Variants in TRAT1 observed in about 807,000 individuals in gnomAD.
TRAT1 encodes T-cell receptor-associated transmembrane adapter 1.
In TRAT1, 20 loss-of-function variants were observed where a neutral mutation model predicts 20.0. The ratio of observed to expected loss-of-function variants is 1.00; its 90% CI spans 0.70 to 1.45. TRAT1 has a LOEUF of 1.45. Among genes scored for constraint, TRAT1 ranks in the 40% most tolerant of loss-of-function variants. The pLI is 0.00. For synonymous variants in TRAT1, 77 were observed against 74.2 expected, an observed-to-expected ratio of 1.04 and a Z score of -0.20; for missense variants, 237 against 224.1, an observed-to-expected ratio of 1.06 and a Z score of -0.37.
intron 3 of TRAT1, chr3:108,839,305 T>A (rs1353290679): frequency 8.1e-6 from 2 of 246,124 alleles, no homozygotes; most frequent in Non-Finnish European, 1.5e-5. Context: ...AAATCCATAG[T>A]AGAAAACAAT....
chr3:108,850,499 T>C (rs898652046), intron 5 of TRAT1, among the ~76,000 whole-genome samples: 1 of 152,016 alleles, frequency 6.6e-6, no homozygotes, highest in Non-Finnish European at 1.5e-5. Flanking sequence ...GAGACGGGGT[T>C]TCACCATGTT....
chr3:108,834,214 A>G (rs897750713), intron 2 of TRAT1, among the ~76,000 whole-genome samples: 1 of 152,200 alleles, frequency 6.6e-6, no homozygotes, highest in Non-Finnish European at 1.5e-5. Flanking sequence ...TCTAAACATT[A>G]GCTTATCACA....
In TRAT1 at chr3:108,837,809, T is replaced by C. The variant is rs533132417; in HGVS notation, c.119-1125T>C. 1.4e-3 allele frequency among the ~76,000 whole-genome samples: 213 copies of C among 152,306 alleles called. 3 individuals carry two copies. Among genetic ancestry groups the C allele is most frequent in the South Asian group, 9.1e-3 (44 of 4,830 alleles). Reference sequence around the variant, plus strand: ...ACAGTAAAGAAAATTTACTGATGAATGGATAATACAGAATTTTCTATAACA... The same window carrying C: ...ACAGTAAAGAAAATTTACTGATGAACGGATAATACAGAATTTTCTATAACA... On this transcript the variant is annotated intron_variant, in intron 2 of 5. Coordinates refer to ENST00000295756, the MANE Select transcript of TRAT1 (RefSeq NM_016388.4).
At position 108,849,490 on chromosome 3, in the gene TRAT1, AGT is replaced by A. The variant is rs548580302; in HGVS notation, c.303+237_303+238del. Among the ~76,000 whole-genome samples the A allele has an allele frequency of 3.5e-4, 54 of 152,340 alleles. No homozygotes were observed. The East Asian group carries it at 0.01, about 28-fold the overall frequency. On this transcript the variant is annotated intron_variant, in intron 5 of 5. Transcript: ENST00000295756. ...TAAGGGAATAATAGGATTATTCCTA[AGT>A]AATCTATTAAGCTTTTTCTTTCTGA...
chr3:108,826,386 G>A (rs1483564582), intron 1 of TRAT1, among the ~76,000 whole-genome samples: 1 of 152,010 alleles, frequency 6.6e-6, no homozygotes, highest in African/African-American at 2.4e-5. Flanking sequence ...AGACACATAA[G>A]GTCAGTGGAT....
chr3:108,839,950 T>C (rs1181002568), intron 3 of TRAT1, among the ~76,000 whole-genome samples: 1 of 152,010 alleles, frequency 6.6e-6, no homozygotes, highest in Non-Finnish European at 1.5e-5. Flanking sequence ...AGATTTCTGT[T>C]TTAGGGGTAA....
At position 108,853,981 on chromosome 3, in the gene TRAT1, C is replaced by A. The variant is rs1559826847; in HGVS notation, c.*104C>A. The A allele has an allele frequency of 7.2e-6, 8 of 1,114,448 alleles. No individual in the cohort carries two copies. 69.0% of individuals were successfully genotyped at this position (1,114,448 alleles called of 1,614,324 possible). ...AAGGACTTGGCAGCAGGGTGATGAC[C>A]TGATCATTTGTTGATGGGATGGTGG... On this transcript the variant is annotated 3_prime_UTR_variant, in exon 6 of 6. Transcript: ENST00000295756.
At chr3:108,849,497 T>C (rs1945976737) in intron 5 of TRAT1, among the ~76,000 whole-genome samples, 1 of 152,204 alleles carries the variant, frequency 6.6e-6, no homozygotes, top group South Asian at 2.1e-4. Flanking sequence ...CTAAGTAATC[T>C]ATTAAGCTTT....
At chr3:108,826,726 G>A (rs1945743070) in intron 1 of TRAT1, among the ~76,000 whole-genome samples, 1 of 152,128 alleles carries the variant, frequency 6.6e-6, no homozygotes, top group South Asian at 2.1e-4. Flanking sequence ...CTCTGACAGA[G>A]TTTACAAGCC....
At chr3:108,825,391 G>A (rs1485162724) in intron 1 of TRAT1, among the ~76,000 whole-genome samples, 2 of 151,904 alleles carry the variant, frequency 1.3e-5, no homozygotes, top group Non-Finnish European at 2.9e-5. Context: ...TTTAAATAAT[G>A]ATTCACAATT....
At chr3:108,828,586 T>C (rs1945764072) in intron 1 of TRAT1, among the ~76,000 whole-genome samples, 2 of 152,154 alleles carry the variant, frequency 1.3e-5, no homozygotes, top group Admixed American at 1.3e-4. Flanking sequence ...TGAGACACCA[T>C]GTGATGTATT....
chr3:108,827,235 C>T (rs1945748475), intron 1 of TRAT1, among the ~76,000 whole-genome samples: 1 of 152,018 alleles, frequency 6.6e-6, no homozygotes, highest in South Asian at 2.1e-4. Flanking sequence ...CTAAAGGTTA[C>T]ACTTGTTGGG....
chr3:108,829,548 C>T (rs1945771423), intron 1 of TRAT1, among the ~76,000 whole-genome samples: 1 of 148,722 alleles, frequency 6.7e-6, no homozygotes, highest in Non-Finnish European at 1.5e-5. Flanking sequence ...CGTGCCACTG[C>T]ACTTCAGCCT....
At chr3:108,850,998 C>G (rs1344278467) in intron 5 of TRAT1, among the ~76,000 whole-genome samples, 2 of 152,116 alleles carry the variant, frequency 1.3e-5, no homozygotes, top group East Asian at 3.9e-4. Context: ...AAAGGTACTT[C>G]TAAGAAAATT....
chr3:108,844,224 A>G (rs951114), intron 3 of TRAT1, among the ~76,000 whole-genome samples: 65,617 of 152,116 alleles, frequency 0.43, 15,904 homozygotes, highest in East Asian at 0.9. Flanking sequence ...GGAACTGAAA[A>G]GAACAATAGA....
Position 108,829,586 on chromosome 3 carries a change from AACACACAC to A in TRAT1, c.8-1060_8-1053del, listed in dbSNP as rs144318236. ...GCGAAAGAGCAAGACTCCATCTCAA[AACACACAC>A]ACACACACACACACACACACACAAC... On this transcript the variant is annotated intron_variant, in intron 1 of 5. Transcript: ENST00000295756. 6.2e-4 allele frequency among the ~76,000 whole-genome samples: 89 copies of A among 142,562 alleles called. 2 individuals carry two copies. The South Asian group carries it at 0.016, about 26-fold the overall frequency. The allele number at this position is 142,562 out of a possible 152,430, so 93.5% of individuals were successfully genotyped here.
At chr3:108,823,178 T>C (rs1218989255) in intron 1 of TRAT1, among the ~76,000 whole-genome samples, 4 of 152,224 alleles carry the variant, frequency 2.6e-5, no homozygotes, top group Admixed American at 2.6e-4. Context: ...TCAGTAAGTG[T>C]TCACTGATAA....
chr3:108,828,348 G>A (rs1201194980), intron 1 of TRAT1, among the ~76,000 whole-genome samples: 1 of 152,018 alleles, frequency 6.6e-6, no homozygotes, highest in Non-Finnish European at 1.5e-5. Context: ...CCAGAAAAAG[G>A]GGTATTAGAA....
At chr3:108,852,062 CACAACA>C (rs200204521) in intron 5 of TRAT1, among the ~76,000 whole-genome samples, 3,801 of 151,554 alleles carry the variant, frequency 0.025, 142 homozygotes, top group African/African-American at 0.082. Flanking sequence ...AGAAGCTAGA[CACAACA>C]ACAACAACAA....
Sources: allele counts gnomAD v4.1 joint callset (sites outside exome capture counted in the v4.1 genomes callset), GRCh38; gene constraint gnomAD v4.1.1; transcripts MANE v1.5; gene names NCBI Gene and HGNC (gene_info 2026-07-23, HGNC 2026-07-21).